The following TCF4 variants were observed in gnomAD, a reference collection of about 807,000 sequenced individuals.
The protein encoded by TCF4 is transcription factor 4.
In TCF4, 3 loss-of-function variants were observed where a neutral mutation model predicts 82.1. The observed-to-expected ratio is 0.04, with a 90% CI of 0.02 to 0.09. The LOEUF is 0.09. Among genes scored for constraint, TCF4 ranks in the 10% least tolerant of loss-of-function variants. The pLI is 1.00. For synonymous variants in TCF4, 276 were observed against 309.6 expected (o/e 0.89, Z 1.14); for missense variants, 518 against 852.7 (o/e 0.61, Z 4.89).
At chr18:55,246,098 G>T (rs761728326) in intron 15 of TCF4, among the ~76,000 whole-genome samples, 1 of 152,056 alleles carries the variant, frequency 6.6e-6, no homozygotes, top group Non-Finnish European at 1.5e-5. Flanking sequence ...TTATGTCCCT[G>T]TAACAGTTCA....
intron 2 of TCF4, among the ~76,000 whole-genome samples, chr18:55,629,150 A>C (rs2097729300): frequency 6.6e-6 from 1 of 152,188 alleles, no homozygotes; most frequent in Non-Finnish European, 1.5e-5. Context: ...AATGTGAAAA[A>C]AACTTTCATG....
upstream of TCF4, among the ~76,000 whole-genome samples, chr18:55,593,216 T>A (rs113786348): frequency 6.6e-6 from 1 of 152,304 alleles, no homozygotes; most frequent in African/African-American, 2.4e-5. Context: ...TCATTCCCTT[T>A]TCTGTCTCTT....
At chr18:55,394,826 A>G (rs1183828854) in intron 6 of TCF4, among the ~76,000 whole-genome samples, 3 of 152,218 alleles carry the variant, frequency 2.0e-5, no homozygotes, top group Admixed American at 6.5e-5. Flanking sequence ...AGCACATGTA[A>G]ACAAACCCAC....
At chr18:55,498,815 T>C (rs1362671982) in intron 3 of TCF4, among the ~76,000 whole-genome samples, 1 of 152,180 alleles carries the variant, frequency 6.6e-6, no homozygotes, top group Non-Finnish European at 1.5e-5. Context: ...GAGAGAAACC[T>C]TTCCTAGAGA....
At chr18:55,514,610 A>G (rs1360741978) in intron 3 of TCF4, among the ~76,000 whole-genome samples, 1 of 152,170 alleles carries the variant, frequency 6.6e-6, no homozygotes, top group African/African-American at 2.4e-5. Context: ...TCAATTCTTA[A>G]ACTTTGTTCT....
At chr18:55,454,436 T>C (rs2095693601) in intron 5 of TCF4, among the ~76,000 whole-genome samples, 1 of 152,194 alleles carries the variant, frequency 6.6e-6, no homozygotes, top group African/African-American at 2.4e-5. Context: ...AATTCCCTGA[T>C]TCACTCGACA....
At chr18:55,587,964 C>T (rs2097668352) in intron 1 of TCF4, 74 bp downstream of exon 1, 2 of 947,070 alleles carry the variant, frequency 2.1e-6, no homozygotes, top group South Asian at 5.0e-5. Context: ...GAGCCGCGTG[C>T]GGGGCCGCCG....
At chr18:55,256,230 T>C (rs2056790737) in intron 14 of TCF4, among the ~76,000 whole-genome samples, 2 of 152,186 alleles carry the variant, frequency 1.3e-5, no homozygotes, top group Admixed American at 1.3e-4. Context: ...TGTTCAGAAT[T>C]CAAACAGAAT....
chr18:55,327,917 C>A (rs931825893), intron 8 of TCF4, among the ~76,000 whole-genome samples: 1 of 152,178 alleles, frequency 6.6e-6, no homozygotes, highest in Non-Finnish European at 1.5e-5. Flanking sequence ...CATTTCCCCA[C>A]TTTTCCACAT....
chr18:55,378,245 A>G (rs545580223), intron 6 of TCF4, among the ~76,000 whole-genome samples: 1 of 152,318 alleles, frequency 6.6e-6, no homozygotes, highest in South Asian at 2.1e-4. Context: ...TTGTGCACCC[A>G]AAGTTGAAGA....
intron 3 of TCF4, among the ~76,000 whole-genome samples, chr18:55,576,281 T>C (rs2097527319): frequency 6.6e-6 from 1 of 152,206 alleles, no homozygotes; most frequent in Non-Finnish European, 1.5e-5. Context: ...AAGTTTCCAC[T>C]GCTGAGTGAT....
intron 2 of TCF4, among the ~76,000 whole-genome samples, chr18:55,595,854 G>A (rs1017990976): frequency 6.6e-6 from 1 of 152,148 alleles, no homozygotes; most frequent in Non-Finnish European, 1.5e-5. Flanking sequence ...GAGATCCAGA[G>A]AAGAAATGAA....
At chr18:55,331,303 T>C (rs1172937149) in intron 8 of TCF4, among the ~76,000 whole-genome samples, 1 of 152,218 alleles carries the variant, frequency 6.6e-6, no homozygotes, top group Non-Finnish European at 1.5e-5. Flanking sequence ...TGTAGTCACT[T>C]CCAGATAAGG....
intron 10 of TCF4, among the ~76,000 whole-genome samples, chr18:55,275,035 G>C (rs570285025): frequency 6.6e-6 from 1 of 151,914 alleles, no homozygotes; most frequent in East Asian, 1.9e-4. Flanking sequence ...TGAGTGGCAG[G>C]CTGGGATGGG....
intron 17 of TCF4, 196 bp downstream of exon 17, chr18:55,232,313 C>T (rs183121894): frequency 1.6e-6 from 1 of 614,946 alleles, no homozygotes; most frequent in African/African-American, 1.8e-5. Context: ...TTCATAAATG[C>T]CAAAACAGTT....
At chr18:55,303,048 T>C (rs912257942) in intron 8 of TCF4, among the ~76,000 whole-genome samples, 3 of 152,220 alleles carry the variant, frequency 2.0e-5, no homozygotes, top group Non-Finnish European at 4.4e-5. Flanking sequence ...AACTCTTTGA[T>C]AGCAGTAAAG....
At chr18:55,418,550 T>C (rs1470405134) in intron 5 of TCF4, among the ~76,000 whole-genome samples, 2 of 152,208 alleles carry the variant, frequency 1.3e-5, no homozygotes, top group African/African-American at 4.8e-5. Context: ...CTTTTCAACA[T>C]ACATGCTCAA....
chr18:55,322,259 C>G, intron 8 of TCF4: 2 of 1,056,646 alleles, frequency 1.9e-6, no homozygotes, highest in Non-Finnish European at 2.3e-6. Flanking sequence ...CTCTCCCTCT[C>G]TTTCTTTTTT....
chr18:55,380,715 G>A (rs567722362), intron 6 of TCF4, among the ~76,000 whole-genome samples: 6 of 152,282 alleles, frequency 3.9e-5, no homozygotes, highest in African/African-American at 9.6e-5. Flanking sequence ...ATGCTCATTC[G>A]CATGGTGAAA....
Sources: allele counts gnomAD v4.1 joint callset (sites outside exome capture counted in the v4.1 genomes callset), GRCh38; gene constraint gnomAD v4.1.1; transcripts MANE v1.5; gene names NCBI Gene and HGNC (gene_info 2026-07-23, HGNC 2026-07-21).